The following EYA2 variants were observed in gnomAD, a reference collection of about 807,000 sequenced individuals.
EYA2 encodes the protein EYA transcriptional coactivator and phosphatase 2.
EYA2 carries 31 observed loss-of-function variants against 69.2 expected under a neutral mutation model. The observed-to-expected ratio is 0.45, with a 90% CI of 0.34 to 0.60. The LOEUF is 0.60. EYA2 is among the 20% of genes least tolerant of loss of function. The pLI is 0.02. For missense variants in EYA2, 622 were observed against 701.2 expected (o/e 0.89, Z 1.28); for synonymous variants, 257 against 279.4 (o/e 0.92, Z 0.80).
chr20:46,959,184 T>C (rs928633848), intron 1 of EYA2, among the ~76,000 whole-genome samples: 2 of 152,216 alleles, frequency 1.3e-5, no homozygotes, highest in Non-Finnish European at 2.9e-5. Flanking sequence ...GAAATAAATA[T>C]GCAGTGGATG....
chr20:47,148,046 A>G (rs1970967), intron 10 of EYA2, among the ~76,000 whole-genome samples: 19,252 of 140,682 alleles, frequency 0.14, 1,412 homozygotes, highest in Middle Eastern at 0.17. Context: ...GCGACAGAGC[A>G]AGACTCTGTC....
intron 10 of EYA2, among the ~76,000 whole-genome samples, chr20:47,152,133 C>T (rs1418401995): frequency 2.0e-5 from 3 of 151,998 alleles, no homozygotes; most frequent in African/African-American, 7.2e-5. Context: ...ATTCTCACCT[C>T]CTATTTTACA....
intron 5 of EYA2, among the ~76,000 whole-genome samples, chr20:47,035,192 C>T (rs1984629472): frequency 2.0e-5 from 3 of 152,146 alleles, no homozygotes. Context: ...CTGGGCTTAG[C>T]AAAAATTGAA....
At chr20:47,107,733 GAAA>G (rs926584680) in intron 9 of EYA2, among the ~76,000 whole-genome samples, 10 of 141,872 alleles carry the variant, frequency 7.0e-5, no homozygotes, top group African/African-American at 2.1e-4. Flanking sequence ...AAGAAGAAAA[GAAA>G]AAGAAGAAGA....
chr20:46,916,798 G>A (rs1984928298), intron 1 of EYA2, among the ~76,000 whole-genome samples: 1 of 152,104 alleles, frequency 6.6e-6, no homozygotes, highest in Non-Finnish European at 1.5e-5. Flanking sequence ...AAGAGAGGGG[G>A]CTCACACTTT....
intron 1 of EYA2, among the ~76,000 whole-genome samples, chr20:46,925,718 G>A (rs1325453125): frequency 1.3e-5 from 2 of 152,240 alleles, no homozygotes; most frequent in Non-Finnish European, 2.9e-5. Context: ...ATTGTTAGGA[G>A]GAGTGTGTGT....
intron 9 of EYA2, among the ~76,000 whole-genome samples, chr20:47,125,599 T>A (rs2033168883): frequency 6.6e-6 from 1 of 152,246 alleles, no homozygotes; most frequent in African/African-American, 2.4e-5. Context: ...ATTCTTTCTT[T>A]TAATGACAAC....
intron 10 of EYA2, among the ~76,000 whole-genome samples, chr20:47,165,216 C>T (rs1272956195): frequency 1.3e-5 from 2 of 152,140 alleles, no homozygotes; most frequent in African/African-American, 4.8e-5. Context: ...AGGGTATCAT[C>T]GTGCTTGACT....
intron 5 of EYA2, among the ~76,000 whole-genome samples, chr20:47,045,705 T>C (rs1298819094): frequency 6.6e-6 from 1 of 152,232 alleles, no homozygotes; most frequent in African/African-American, 2.4e-5. Flanking sequence ...CCAAGAGAAC[T>C]TTTGTCAGGA....
At position 47,173,671 on chromosome 20, in the gene EYA2, C is replaced by T. The variant is rs1342760182; in HGVS notation, c.1198+804C>T. Reference sequence around the variant, plus strand: ...CTTCTGGCCTCAAGTGATCTTCCCACCTCAGCCTCCCAAGTAGCTGGGATT... The same window carrying T: ...CTTCTGGCCTCAAGTGATCTTCCCATCTCAGCCTCCCAAGTAGCTGGGATT... On this transcript the variant is annotated intron_variant, in intron 12 of 15. Coordinates refer to ENST00000327619, the MANE Select transcript of EYA2 (RefSeq NM_005244.5). Among the ~76,000 whole-genome samples, 5 of 152,170 alleles carry T rather than the reference C, an allele frequency of 3.3e-5. No homozygotes were observed. In the East Asian group the frequency reaches 5.8e-4, roughly 18 times the overall value.
intron 5 of EYA2, among the ~76,000 whole-genome samples, chr20:47,053,081 C>T (rs1298465696): frequency 2.0e-5 from 3 of 152,090 alleles, no homozygotes; most frequent in Non-Finnish European, 4.4e-5. Context: ...AATTGGCCAC[C>T]CTCCATGGTG....
intron 10 of EYA2, among the ~76,000 whole-genome samples, chr20:47,155,506 A>G (rs763326453): frequency 9.2e-5 from 14 of 151,862 alleles, no homozygotes; most frequent in Non-Finnish European, 1.8e-4. Flanking sequence ...AACCCTTACA[A>G]CAACCACAGA....
chr20:47,069,754 T>G (rs2031242607), intron 5 of EYA2, among the ~76,000 whole-genome samples: 1 of 151,962 alleles, frequency 6.6e-6, no homozygotes, highest in Non-Finnish European at 1.5e-5. Context: ...CACAAAAATT[T>G]TAAAAAATAA....
chr20:46,959,439 A>G (rs1273247494), intron 1 of EYA2, among the ~76,000 whole-genome samples: 1 of 152,010 alleles, frequency 6.6e-6, no homozygotes, highest in East Asian at 1.9e-4. Context: ...GTTTCCAGAC[A>G]TTGCCAAGTG....
At chr20:47,004,888 A>T (rs1277607522) in intron 3 of EYA2, 54 bp from the exon 4 acceptor site, 9 of 1,613,554 alleles carry the variant, frequency 5.6e-6, no homozygotes, top group African/African-American at 1.3e-5. Context: ...CAAGATAAGG[A>T]AGAAGGGGTG....
intron 1 of EYA2, among the ~76,000 whole-genome samples, chr20:46,987,916 G>GTCTCTCTCTCTCTCTCTC (rs1555809755): frequency 2.5e-4 from 5 of 20,366 alleles, no homozygotes; most frequent in African/African-American, 3.3e-4. Context: ...GACAGAGTAA[G>GTCTCTCTCTCTCTCTCTC]TCTCTCTCTC....
chr20:46,971,080 T>TACACACACACACAC (rs148380754), intron 1 of EYA2, among the ~76,000 whole-genome samples: 1 of 147,176 alleles, frequency 6.8e-6, no homozygotes. Context: ...ATAAAGTTGC[T>TACACACACACACAC]ACACACACAC....
At chr20:47,011,615 G>A (rs1421564745) in intron 4 of EYA2, among the ~76,000 whole-genome samples, 7 of 148,530 alleles carry the variant, frequency 4.7e-5, no homozygotes, top group Non-Finnish European at 1.1e-4. Context: ...CCTTCCCTCT[G>A]CCTGGACAGG....
At chr20:47,110,290 G>T (rs1433502948) in intron 9 of EYA2, among the ~76,000 whole-genome samples, 1 of 152,134 alleles carries the variant, frequency 6.6e-6, no homozygotes, top group African/African-American at 2.4e-5. Flanking sequence ...GTCACTCGCT[G>T]AAGCACAGTG....
Sources: gnomAD v4.1 joint callset for allele counts (sites outside exome capture counted in the v4.1 genomes callset) on GRCh38, gnomAD v4.1.1 for gene constraint, MANE v1.5 for transcripts, NCBI Gene and HGNC (gene_info 2026-07-23, HGNC 2026-07-21) for gene names.